Variants in PPFIA1 observed in about 807,000 individuals in gnomAD.
The protein encoded by PPFIA1 is liprin-alpha-1.
A neutral mutation model predicts 149.9 loss-of-function variants in PPFIA1; 25 were observed. The ratio of observed to expected loss-of-function variants is 0.17; its 90% CI spans 0.12 to 0.23. PPFIA1 has a LOEUF of 0.23. Ranked by LOEUF, PPFIA1 falls within the 10% of genes least tolerant of loss-of-function variation. The pLI is 1.00. For missense variants in PPFIA1, 1,362 were observed against 1,506.5 expected, an observed-to-expected ratio of 0.90 and a Z score of 1.59; for synonymous variants, 549 against 552.8, an observed-to-expected ratio of 0.99 and a Z score of 0.10.
intron 23 of PPFIA1, among the ~76,000 whole-genome samples, 193 bp downstream of exon 23, chr11:70,372,767 A>G (rs145523662): frequency 6.6e-6 from 1 of 152,272 alleles, no homozygotes; most frequent in East Asian, 1.9e-4. Context: ...CAGCTAGAGA[A>G]CTGTTCCCTG....
intron 2 of PPFIA1, chr11:70,284,041 G>T (rs376346354): frequency 1.5e-5 from 8 of 530,692 alleles, no homozygotes; most frequent in African/African-American, 3.9e-5. Flanking sequence ...AATTATTTTT[G>T]CTTCAACCTA....
At chr11:70,345,973 G>T (rs2055675351) in intron 15 of PPFIA1, 1 of 455,330 alleles carries the variant, frequency 2.2e-6, no homozygotes, top group Non-Finnish European at 4.4e-6. Flanking sequence ...CTTTCCCTGT[G>T]TGAAGTTAAC....
chr11:70,381,636 C>A (rs922671319), intron 26 of PPFIA1, among the ~76,000 whole-genome samples: 1 of 152,196 alleles, frequency 6.6e-6, no homozygotes, highest in South Asian at 2.1e-4. Flanking sequence ...TACCCGACGT[C>A]GTTGGCCTCT....
intron 2 of PPFIA1, among the ~76,000 whole-genome samples, chr11:70,273,692 A>G (rs956556278): frequency 2.6e-5 from 4 of 152,126 alleles, no homozygotes; most frequent in African/African-American, 4.8e-5. Context: ...TTAGCGCTCT[A>G]TGTTCCTTTT....
At position 70,354,394 on chromosome 11, in the gene PPFIA1, C is replaced by G. The variant is rs184308703; in HGVS notation, c.2257C>G (p.Arg753Gly). Reference protein sequence around the residue: ...PSSPRALRLDRLHKGALHTVS... With the variant: ...PSSPRALRLDGLHKGALHTVS... ...CTCCCCGAGAGCCCTTCGGTTAGAC[C>G]GGCTGCACAAAGGGGCGCTGCACAC... Residue 753 changes from arginine (R) to glycine (G), a missense_variant, in exon 17 of 28, where the codon CGG (arginine) becomes GGG (glycine). By Grantham distance (125) the Arg-to-Gly change is moderately radical. This residue lies in a region of PPFIA1 where 733 missense variants were observed against 744.1 expected (regional missense o/e 0.99). Transcript: ENST00000253925. 3.1e-6 allele frequency: 5 copies of G among 1,613,984 alleles called. No individual in the cohort carries two copies. The East Asian group carries it at 1.1e-4, about 36-fold the overall frequency.
chr11:70,347,770 G>A (rs1443497676), intron 15 of PPFIA1, among the ~76,000 whole-genome samples: 4 of 152,182 alleles, frequency 2.6e-5, no homozygotes, highest in Admixed American at 6.5e-5. Flanking sequence ...TTGGGAGGCC[G>A]AGGCAGGCGG....
At chr11:70,276,960 AT>A (rs1249003112) in intron 2 of PPFIA1, among the ~76,000 whole-genome samples, 1 of 115,796 alleles carries the variant, frequency 8.6e-6, no homozygotes, top group East Asian at 2.5e-4. Flanking sequence ...TCGGCTTTAC[AT>A]TTTTTTCTAC....
chr11:70,360,100 A>T (rs987606600), intron 19 of PPFIA1, among the ~76,000 whole-genome samples: 8 of 152,234 alleles, frequency 5.3e-5, no homozygotes, highest in African/African-American at 1.9e-4. Flanking sequence ...CGCCACCCAG[A>T]TGGGGTCTCC....
At chr11:70,318,877 C>T (rs2053780259) in intron 2 of PPFIA1, among the ~76,000 whole-genome samples, 1 of 152,226 alleles carries the variant, frequency 6.6e-6, no homozygotes, top group African/African-American at 2.4e-5. Context: ...TGCTCCTAGC[C>T]TCTTTTGCTG....
chr11:70,354,167 A>C, intron 16 of PPFIA1, 134 bp from the exon 17 acceptor site: 1 of 937,464 alleles, frequency 1.1e-6, no homozygotes, highest in Non-Finnish European at 1.6e-6. Flanking sequence ...GAATGGTGCC[A>C]GACTGAAACA....
intron 15 of PPFIA1, among the ~76,000 whole-genome samples, chr11:70,344,445 A>G (rs377183241): frequency 6.6e-6 from 1 of 152,182 alleles, no homozygotes; most frequent in African/African-American, 2.4e-5. Flanking sequence ...GCGGGCGCAT[A>G]TGGTGGGAAG....
intron 2 of PPFIA1, among the ~76,000 whole-genome samples, chr11:70,296,242 C>T (rs1287033932): frequency 7.7e-4 from 117 of 152,102 alleles, no homozygotes; most frequent in African/African-American, 2.8e-3. Context: ...AGACGATGGG[C>T]GGCCAGGCAG....
Position 70,287,790 on chromosome 11 carries a change from T to G in PPFIA1, c.264+15354T>G, listed in dbSNP as rs181137147. Reference sequence around the variant, plus strand: ...TGTTGAGCAGCTGGGACCACGTGCATGTACCGCCACACCTGGCTAATTTTT... The same window carrying G: ...TGTTGAGCAGCTGGGACCACGTGCAGGTACCGCCACACCTGGCTAATTTTT... On this transcript the variant is annotated intron_variant, in intron 2 of 27. Coordinates refer to ENST00000253925, the MANE Select transcript of PPFIA1 (RefSeq NM_003626.5). 4.6e-5 allele frequency among the ~76,000 whole-genome samples: 7 copies of G among 152,016 alleles called. No homozygotes were observed. The East Asian group carries it at 1.4e-3, about 30-fold the overall frequency.
chr11:70,297,524 G>A (rs1355671806), intron 2 of PPFIA1, among the ~76,000 whole-genome samples: 1 of 152,096 alleles, frequency 6.6e-6, no homozygotes, highest in Non-Finnish European at 1.5e-5. Context: ...TTGTCTGAAG[G>A]GTGCATTCAT....
At chr11:70,344,020 T>A in intron 15 of PPFIA1, 128 bp downstream of exon 15, 1 of 892,256 alleles carries the variant, frequency 1.1e-6, no homozygotes, top group Non-Finnish European at 1.7e-6. Flanking sequence ...AGAACTTACT[T>A]AACTTCTGTT....
intron 24 of PPFIA1, 136 bp from the exon 25 acceptor site, chr11:70,376,396 G>C: frequency 2.4e-6 from 2 of 824,228 alleles, no homozygotes; most frequent in Non-Finnish European, 4.0e-6. Context: ...GAAAGTGTTG[G>C]AATTACAGGC....
chr11:70,332,952 A>G, intron 9 of PPFIA1: 1 of 443,858 alleles, frequency 2.3e-6, no homozygotes, highest in South Asian at 1.6e-5. Flanking sequence ...CTCCCACTCC[A>G]TGATCTGCTT....
At chr11:70,353,859 T>C (rs772957975) in intron 16 of PPFIA1, among the ~76,000 whole-genome samples, 1 of 152,202 alleles carries the variant, frequency 6.6e-6, no homozygotes, top group Non-Finnish European at 1.5e-5. Flanking sequence ...TCTCTAGTGT[T>C]TCTTTTGAAG....
At chr11:70,303,000 C>T (rs2052588874) in intron 2 of PPFIA1, among the ~76,000 whole-genome samples, 2 of 152,110 alleles carry the variant, frequency 1.3e-5, no homozygotes, top group South Asian at 4.1e-4. Flanking sequence ...GCAAACTTCC[C>T]AATTTTGACC....
Sources: gnomAD v4.1 joint callset for allele counts (sites outside exome capture counted in the v4.1 genomes callset) on GRCh38, gnomAD v4.1.1 for gene constraint, gnomAD v4.1.1 regional missense constraint, MANE v1.5 for transcripts, NCBI Gene and HGNC (gene_info 2026-07-23, HGNC 2026-07-21) for gene names.